Variants in SYBU observed in about 807,000 individuals in gnomAD.
SYBU encodes the protein syntabulin.
SYBU carries 21 observed loss-of-function variants against 35.9 expected under a neutral mutation model. The observed-to-expected ratio is 0.58, with a 90% CI of 0.41 to 0.84. The LOEUF (loss-of-function observed/expected upper bound fraction) is 0.84. SYBU is among the 40% of genes least tolerant of loss of function. SYBU has a pLI of 0.00. For synonymous variants in SYBU, 319 were observed against 324.3 expected (o/e 0.98, Z 0.18); for missense variants, 768 against 848.2 (o/e 0.91, Z 1.17).
intron 3 of SYBU, among the ~76,000 whole-genome samples, chr8:109,602,281 G>T (rs1456395599): frequency 6.6e-6 from 1 of 152,066 alleles, no homozygotes; most frequent in Non-Finnish European, 1.5e-5. Context: ...CGTATGTTTG[G>T]AAAAGCAAAC....
At chr8:109,674,340 G>A (rs988855627) in intron 1 of SYBU, among the ~76,000 whole-genome samples, 3 of 152,070 alleles carry the variant, frequency 2.0e-5, no homozygotes, top group African/African-American at 7.2e-5. Flanking sequence ...GGATCTCTCT[G>A]CAGAAACCCT....
intron 2 of SYBU, among the ~76,000 whole-genome samples, chr8:109,639,874 C>T (rs1286805913): frequency 2.0e-5 from 3 of 152,130 alleles, no homozygotes; most frequent in African/African-American, 7.2e-5. Flanking sequence ...CACCCACCAA[C>T]CGGCCTCCTA....
At chr8:109,605,884 C>T (rs574115909) in intron 3 of SYBU, among the ~76,000 whole-genome samples, 1 of 152,248 alleles carries the variant, frequency 6.6e-6, no homozygotes, top group African/African-American at 2.4e-5. Flanking sequence ...AAAAAAAGAA[C>T]TTAATATTTG....
At chr8:109,643,958 C>T (rs1302052893) in intron 1 of SYBU, among the ~76,000 whole-genome samples, 1 of 152,182 alleles carries the variant, frequency 6.6e-6, no homozygotes, top group Admixed American at 6.5e-5. Flanking sequence ...AATTCCACTG[C>T]TTCCTCCAAC....
intron 1 of SYBU, among the ~76,000 whole-genome samples, chr8:109,669,113 C>T (rs1024394536): frequency 1.3e-5 from 2 of 152,012 alleles, no homozygotes; most frequent in Non-Finnish European, 2.9e-5. Context: ...GAGGCTGAGG[C>T]AGGTGGATCA....
At chr8:109,664,179 G>A (rs915635238) in intron 1 of SYBU, among the ~76,000 whole-genome samples, 1 of 152,114 alleles carries the variant, frequency 6.6e-6, no homozygotes, top group Non-Finnish European at 1.5e-5. Context: ...AAAGAAGTAC[G>A]TACTGATTAA....
In SYBU at chr8:109,678,091, G is replaced by A. The variant is rs182066103; in HGVS notation, c.-129+2620C>T. 6.3e-5 allele frequency among the ~76,000 whole-genome samples: 8 copies of A among 127,604 alleles called. No homozygotes were observed. In the East Asian group the frequency reaches 1.0e-3, roughly 17 times the overall value. 83.7% of individuals were successfully genotyped at this position (127,604 alleles called of 152,430 possible). On this transcript the variant is annotated intron_variant, in intron 1 of 5. Coordinates refer to the SYBU transcript ENST00000408889. ...GGGGGTCGCGGTGAGCTGAGATCGC[G>A]CCATTGCACTCCAGCCTGGGCAAGA...
At chr8:109,587,041 A>G (rs1823700062) in intron 3 of SYBU, among the ~76,000 whole-genome samples, 1 of 152,208 alleles carries the variant, frequency 6.6e-6, no homozygotes, top group Non-Finnish European at 1.5e-5. Context: ...CAAGCTAGAC[A>G]ATGAGAAGAA....
intron 1 of SYBU, among the ~76,000 whole-genome samples, chr8:109,657,385 C>T (rs1397278149): frequency 6.6e-6 from 1 of 152,030 alleles, no homozygotes; most frequent in East Asian, 1.9e-4. Context: ...AATATGACAC[C>T]CCTTTAACAC....
chr8:109,590,575 A>G lies in SYBU; in HGVS notation c.428-4413T>C, dbSNP rs556112677. 3.9e-5 allele frequency among the ~76,000 whole-genome samples: 6 copies of G among 152,258 alleles called. No individual in the cohort carries two copies. The South Asian group carries it at 1.2e-3, about 32-fold the overall frequency. On this transcript the variant is annotated intron_variant, in intron 3 of 6. Coordinates refer to ENST00000276646, the MANE Select transcript of SYBU (RefSeq NM_001099754.2). ...ACACACACACACACATAAACAGCTA[A>G]ACACAAAAGAAGAGAAGTTCAAACT...
chr8:109,632,196 C>T (rs1029187122), intron 2 of SYBU, among the ~76,000 whole-genome samples: 1 of 152,092 alleles, frequency 6.6e-6, no homozygotes, highest in Non-Finnish European at 1.5e-5. Context: ...ATTACAGGCG[C>T]CCGCCACCAT....
chr8:109,599,217 C>T (rs1825229409), intron 3 of SYBU, among the ~76,000 whole-genome samples: 1 of 152,212 alleles, frequency 6.6e-6, no homozygotes, highest in Admixed American at 6.5e-5. Context: ...ACTGCCCTTG[C>T]ACAGTAAACC....
intron 1 of SYBU, among the ~76,000 whole-genome samples, chr8:109,663,910 C>T (rs1164731416): frequency 1.3e-5 from 2 of 152,042 alleles, no homozygotes; most frequent in Non-Finnish European, 2.9e-5. Context: ...ACAGCAAGAA[C>T]CATAGGTTCA....
intron 3 of SYBU, among the ~76,000 whole-genome samples, chr8:109,608,771 T>C (rs1417286414): frequency 6.6e-6 from 1 of 152,194 alleles, no homozygotes; most frequent in Non-Finnish European, 1.5e-5. Context: ...CATTTTATAA[T>C]AATAATAAAA....
chr8:109,673,301 G>A (rs183139294), intron 1 of SYBU, among the ~76,000 whole-genome samples: 9 of 152,224 alleles, frequency 5.9e-5, no homozygotes, highest in Admixed American at 4.6e-4. Context: ...GGCATTTGGC[G>A]GGTGCCCCTC....
intron 1 of SYBU, among the ~76,000 whole-genome samples, chr8:109,675,773 T>A (rs1817165831): frequency 6.6e-6 from 1 of 152,158 alleles, no homozygotes; most frequent in Non-Finnish European, 1.5e-5. Flanking sequence ...CAGGGACTCC[T>A]CCCTAACTCA....
chr8:109,647,336 G>C (rs563558158), upstream of SYBU: 4 of 151,792 alleles, frequency 2.6e-5, no homozygotes, highest in Non-Finnish European at 4.4e-5. Context: ...CTTTTTCGTC[G>C]AGACTGCTGC....
At chr8:109,593,329 A>T (rs1824500945) in intron 3 of SYBU, among the ~76,000 whole-genome samples, 1 of 152,216 alleles carries the variant, frequency 6.6e-6, no homozygotes, top group Admixed American at 6.5e-5. Flanking sequence ...CAGCAAAAGG[A>T]AGAGGAAGAA....
At chr8:109,595,221 G>T (rs1287664250) in intron 3 of SYBU, among the ~76,000 whole-genome samples, 3 of 152,082 alleles carry the variant, frequency 2.0e-5, no homozygotes, top group Admixed American at 6.6e-5. Context: ...AGTGTGAGTG[G>T]CAAGAAAGGA....
Sources: gnomAD v4.1 joint callset for allele counts (sites outside exome capture counted in the v4.1 genomes callset) on GRCh38, gnomAD v4.1.1 for gene constraint, MANE v1.5 for transcripts, NCBI Gene and HGNC (gene_info 2026-07-23, HGNC 2026-07-21) for gene names.